Variants in TMEM132C observed in about 807,000 individuals in gnomAD.
The protein encoded by TMEM132C is protein phosphatase 1, regulatory subunit 152.
In TMEM132C, 29 loss-of-function variants were observed where a neutral mutation model predicts 61.4. The ratio of observed to expected loss-of-function variants is 0.47; its 90% CI spans 0.35 to 0.64. The LOEUF (loss-of-function observed/expected upper bound fraction) is 0.64, where lower values mean the gene tolerates loss of function less well. Ranked by LOEUF, TMEM132C falls within the 30% of genes least tolerant of loss-of-function variation. The pLI, the probability that TMEM132C is intolerant of heterozygous loss-of-function variation, is 0.00. For missense variants in TMEM132C, 1,408 were observed against 1,476.9 expected (o/e 0.95, Z 0.76); for synonymous variants, 656 against 633.1 (o/e 1.04, Z -0.54).
intron 1 of TMEM132C, among the ~76,000 whole-genome samples, chr12:128,273,212 C>T (rs1399877449): frequency 2.0e-5 from 3 of 152,018 alleles, no homozygotes; most frequent in African/African-American, 7.2e-5. Flanking sequence ...TGACAGCTTT[C>T]GTTTCATGTA....
At chr12:128,370,432 G>T (rs1873995770) in intron 1 of TMEM132C, among the ~76,000 whole-genome samples, 1 of 152,008 alleles carries the variant, frequency 6.6e-6, no homozygotes, top group Non-Finnish European at 1.5e-5. Context: ...TCATTGGCAG[G>T]GTTAAAGGAA....
intron 2 of TMEM132C, among the ~76,000 whole-genome samples, chr12:128,492,285 A>G (rs1871765666): frequency 3.3e-5 from 5 of 152,130 alleles, no homozygotes; most frequent in Admixed American, 3.3e-4. Flanking sequence ...AGTCTTTGCT[A>G]TTGTGAATAG....
chr12:128,293,993 G>A (rs1441565805), intron 1 of TMEM132C: 1 of 154,514 alleles, frequency 6.5e-6, no homozygotes. Flanking sequence ...TTCCGAAGGG[G>A]AATCAGGTGG....
intron 4 of TMEM132C, among the ~76,000 whole-genome samples, chr12:128,632,104 T>C (rs980200470): frequency 6.6e-6 from 1 of 152,208 alleles, no homozygotes; most frequent in Non-Finnish European, 1.5e-5. Flanking sequence ...CGATCTCTAT[T>C]GATCAGAGAT....
At chr12:128,686,223 G>A (rs773973422) in intron 5 of TMEM132C, among the ~76,000 whole-genome samples, 1 of 152,126 alleles carries the variant, frequency 6.6e-6, no homozygotes, top group African/African-American at 2.4e-5. Context: ...CTGAGCATAG[G>A]GAGTGTTCAG....
chr12:128,705,460 A>G lies in TMEM132C; in HGVS notation c.2492A>G (p.His831Arg), dbSNP rs2135663976. The G allele has an allele frequency of 3.9e-6, 6 of 1,551,124 alleles. No individual in the cohort carries two copies. The South Asian group carries it at 4.8e-5, about 12-fold the overall frequency. Residue 831 changes from histidine (H) to arginine (R), a missense_variant, in exon 9 of 9, where the codon CAT (histidine) becomes CGT (arginine). Transcript: ENST00000435159. ...ASDRRQKGQHHERTGQDGHLY... is the reference protein window; with the variant it reads ...ASDRRQKGQHRERTGQDGHLY... The stretch of plus-strand genomic sequence containing the variant: ...GACCGCCGGCAGAAGGGCCAGCACC[A>G]TGAGCGCACAGGCCAAGATGGGCAC...
intron 4 of TMEM132C, among the ~76,000 whole-genome samples, chr12:128,646,692 T>C (rs1191346775): frequency 2.0e-5 from 3 of 151,108 alleles, no homozygotes; most frequent in East Asian, 2.0e-4. Flanking sequence ...TCCATCGGCG[T>C]TGGATGTGAG....
At chr12:128,482,226 G>T (rs1871335255) in intron 2 of TMEM132C, among the ~76,000 whole-genome samples, 1 of 152,180 alleles carries the variant, frequency 6.6e-6, no homozygotes. Flanking sequence ...AACCAGCCTT[G>T]CATCCCAGGG....
chr12:128,377,407 C>T (rs966432977), intron 1 of TMEM132C, among the ~76,000 whole-genome samples: 1 of 152,162 alleles, frequency 6.6e-6, no homozygotes. Flanking sequence ...AGCGGGCTCA[C>T]TACAGAACCT....
Position 128,667,534 on chromosome 12 carries a change from G to A in TMEM132C, c.1306-1883G>A, listed in dbSNP as rs79968930. On this transcript the variant is annotated intron_variant, in intron 4 of 8. Coordinates refer to ENST00000435159, the MANE Select transcript of TMEM132C (RefSeq NM_001136103.3). Reference sequence around the variant, plus strand: ...GATGCAAAAGCATCACAGAGAGGCCGAGGCTCTACTTAAAACTCATAACTC... The same window carrying A: ...GATGCAAAAGCATCACAGAGAGGCCAAGGCTCTACTTAAAACTCATAACTC... 9.9e-3 allele frequency among the ~76,000 whole-genome samples: 1,505 copies of A among 152,270 alleles called. 19 individuals are homozygous for A. The highest frequency in any genetic ancestry group is 0.034 in the African/African-American group (1,398 of 41,532).
intron 1 of TMEM132C, among the ~76,000 whole-genome samples, chr12:128,359,415 T>G (rs1291153809): frequency 1.3e-5 from 2 of 152,088 alleles, no homozygotes; most frequent in Non-Finnish European, 2.9e-5. Context: ...GGAAACTGCC[T>G]CCATGATTCA....
chr12:128,591,764 A>C (rs949718523), intron 3 of TMEM132C, among the ~76,000 whole-genome samples: 4 of 152,146 alleles, frequency 2.6e-5, no homozygotes, highest in Admixed American at 1.3e-4. Flanking sequence ...AGTTAAAAAA[A>C]CTGACAGCCA....
intron 1 of TMEM132C, among the ~76,000 whole-genome samples, chr12:128,403,197 G>A (rs538933514): frequency 5.0e-4 from 76 of 152,348 alleles, no homozygotes; most frequent in African/African-American, 1.8e-3. Flanking sequence ...GACATTCTGT[G>A]TCTGGGGAAT....
At chr12:128,300,130 C>A (rs1046731846) in intron 1 of TMEM132C, among the ~76,000 whole-genome samples, 6 of 152,314 alleles carry the variant, frequency 3.9e-5, no homozygotes, top group African/African-American at 1.4e-4. Context: ...TAAGCGTAAG[C>A]CAAAGTCTGC....
chr12:128,475,324 A>G (rs1250200366), intron 2 of TMEM132C, among the ~76,000 whole-genome samples: 1 of 152,198 alleles, frequency 6.6e-6, no homozygotes, highest in African/African-American at 2.4e-5. Flanking sequence ...ATTTATACAT[A>G]ATTTCATTTA....
Position 128,616,320 on chromosome 12 carries a change from C to A in TMEM132C, c.1290C>A (p.Ile430=). Residue 430 remains isoleucine, a synonymous_variant, in exon 4 of 9, where the codon ATC becomes ATA. Coordinates refer to ENST00000435159, the MANE Select transcript of TMEM132C (RefSeq NM_001136103.3). ...TCAGCCAGAAGGACCTGGTGGGCAT[C>A]GTTCCCTTGGCTATGGTGAGTCCTG... ...IFVSQKDLVG[I]VPLAMDTEIL... 6.4e-7 allele frequency: 1 copy of A among 1,551,724 alleles called. No homozygotes were observed. The highest frequency in any genetic ancestry group is 8.7e-7 in the Non-Finnish European group (1 of 1,146,878).
intron 2 of TMEM132C, among the ~76,000 whole-genome samples, chr12:128,523,113 G>T (rs565182005): frequency 6.6e-6 from 1 of 152,182 alleles, no homozygotes; most frequent in South Asian, 2.1e-4. Flanking sequence ...TTACAACATG[G>T]ATGAACCCTG....
Position 128,511,204 on chromosome 12 carries a change from G to A in TMEM132C, c.975-32753G>A, listed in dbSNP as rs568863030. Among the ~76,000 whole-genome samples the A allele has an allele frequency of 1.1e-3, 166 of 152,298 alleles. 1 individual carries two copies. Among genetic ancestry groups the A allele is most frequent in the African/African-American group, 3.3e-3 (136 of 41,562 alleles). Reference sequence around the variant, plus strand: ...GGAGCTCTGTCTGGAGTACACCTCTGCACTGTCTGCAGCCCCCACCCATGA... The same window carrying A: ...GGAGCTCTGTCTGGAGTACACCTCTACACTGTCTGCAGCCCCCACCCATGA... On this transcript the variant is annotated intron_variant, in intron 2 of 8. Coordinates refer to ENST00000435159, the MANE Select transcript of TMEM132C (RefSeq NM_001136103.3).
chr12:128,431,457 A>G (rs530912625), intron 2 of TMEM132C, among the ~76,000 whole-genome samples: 1 of 152,000 alleles, frequency 6.6e-6, no homozygotes, highest in East Asian at 1.9e-4. Flanking sequence ...TCTAGCTAAG[A>G]TCGTCGATGA....
Sources: gnomAD v4.1 joint callset for allele counts (sites outside exome capture counted in the v4.1 genomes callset) on GRCh38, gnomAD v4.1.1 for gene constraint, MANE v1.5 for transcripts, NCBI Gene and HGNC (gene_info 2026-07-23, HGNC 2026-07-21) for gene names.